Variants in PLEKHA1 observed in about 807,000 individuals in gnomAD.
The protein encoded by PLEKHA1 is pleckstrin homology domain containing A1.
In PLEKHA1, 34 loss-of-function variants were observed where a neutral mutation model predicts 52.0. That is an observed-to-expected ratio of 0.65 (90% confidence interval 0.50 to 0.87). PLEKHA1 has a LOEUF of 0.87. PLEKHA1 is among the 40% of genes least tolerant of loss of function. PLEKHA1 has a pLI of 0.00. For synonymous variants in PLEKHA1, 163 were observed against 170.7 expected, an observed-to-expected ratio of 0.95 and a Z score of 0.35; for missense variants, 497 against 504.2, an observed-to-expected ratio of 0.99 and a Z score of 0.14.
chr10:122,392,144 T>C, intron 1 of PLEKHA1, among the ~76,000 whole-genome samples: 1 of 152,206 alleles, frequency 6.6e-6, no homozygotes, highest in Middle Eastern at 3.2e-3. Context: ...CTAATGGTTT[T>C]TTAACTTTAA....
At chr10:122,426,834 T>G in intron 10 of PLEKHA1, 108 bp from the exon 11 acceptor site, 1 of 1,002,998 alleles carries the variant, frequency 1.0e-6, no homozygotes, top group Non-Finnish European at 1.4e-6. Context: ...TGCCTTAGAG[T>G]GATTTTGTTG....
chr10:122,418,891 C>G (rs940381392), intron 8 of PLEKHA1: 2 of 152,186 alleles, frequency 1.3e-5, no homozygotes, highest in African/African-American at 4.8e-5. Flanking sequence ...TCCATTAGAA[C>G]TTTCTGCACA....
intron 1 of PLEKHA1, chr10:122,375,081 T>G (rs996133083): frequency 1.3e-5 from 2 of 151,542 alleles, no homozygotes; most frequent in African/African-American, 4.9e-5. Flanking sequence ...GGCGTCTTCT[T>G]CCCGTGGGTC....
Position 122,424,185 on chromosome 10 carries a change from T to TTC in PLEKHA1, c.682-13_682-12insCT. 6.7e-7 allele frequency: 1 copy of TTC among 1,500,578 alleles called. No individual in the cohort carries two copies. The highest frequency in any genetic ancestry group is 2.4e-5 in the East Asian group (1 of 41,406). 93.0% of individuals were successfully genotyped at this position (1,500,578 alleles called of 1,614,324 possible). ...ATCATGTAACTGTTTTTTTTTTTTT[T>TTC]TTTTTTTTGCCAGGAAAAGGAACCT... On this transcript the variant is annotated splice_polypyrimidine_tract_variant and intron_variant, in intron 8 of 11. Transcript: ENST00000368990.
chr10:122,396,834 T>A (rs943182368), intron 2 of PLEKHA1, among the ~76,000 whole-genome samples: 1 of 152,094 alleles, frequency 6.6e-6, no homozygotes, highest in Non-Finnish European at 1.5e-5. Flanking sequence ...ATTCTTGATT[T>A]GTTTTCCCCA....
At chr10:122,416,133 C>A in intron 7 of PLEKHA1, 131 bp downstream of exon 7, 1 of 1,046,856 alleles carries the variant, frequency 9.6e-7, no homozygotes, top group Non-Finnish European at 1.3e-6. Flanking sequence ...TGAGGAGAGT[C>A]AGGAGATAAA....
intron 10 of PLEKHA1, 90 bp downstream of exon 10, chr10:122,425,049 T>C (rs749137924): frequency 1.5e-4 from 178 of 1,199,988 alleles, no homozygotes; most frequent in Non-Finnish European, 1.7e-4. Flanking sequence ...CTTGTTGCAC[T>C]TGAGGTTAAA....
At position 122,431,744 on chromosome 10, in the gene PLEKHA1, T is replaced by A. The variant is rs1010435833; in HGVS notation, c.*1806T>A. On this transcript the variant is annotated 3_prime_UTR_variant, in exon 12 of 12. Transcript: ENST00000368990. ...TATTTTTTTAAAGTTACATTAAGAT[T>A]TTTTCTCTTTTGCAGCTACATTTGA... The A allele has an allele frequency of 3.3e-5, 5 of 152,632 alleles. No individual in the cohort carries two copies. The highest frequency in any genetic ancestry group is 5.9e-5 in the Non-Finnish European group (4 of 68,036). The allele number at this position is 152,632 out of a possible 1,614,324, so 9.5% of individuals were successfully genotyped here.
At chr10:122,380,553 C>G (rs2096600278) in intron 1 of PLEKHA1, among the ~76,000 whole-genome samples, 1 of 152,118 alleles carries the variant, frequency 6.6e-6, no homozygotes, top group Non-Finnish European at 1.5e-5. Context: ...TCTGGTGAGT[C>G]CAGCGGCCAA....
chr10:122,418,730 A>G (rs2097215402), intron 8 of PLEKHA1: 1 of 152,168 alleles, frequency 6.6e-6, no homozygotes, highest in Admixed American at 6.5e-5. Context: ...TATTTAAAAT[A>G]TTGTAGGGTG....
intron 8 of PLEKHA1, 103 bp from the exon 9 acceptor site, chr10:122,424,096 G>A: frequency 1.4e-6 from 2 of 1,391,778 alleles, no homozygotes; most frequent in East Asian, 2.5e-5. Flanking sequence ...CAGAAAAGAA[G>A]TGTGATTTTC....
chr10:122,417,976 G>A lies in PLEKHA1; in HGVS notation c.681+8G>A. Reference sequence around the variant, plus strand: ...TACTTCAAATCTGAACTGGTATGTTGTTACGTCATAAATGTTGCTATAAGA... The same window carrying A: ...TACTTCAAATCTGAACTGGTATGTTATTACGTCATAAATGTTGCTATAAGA... On this transcript the variant is annotated splice_region_variant and intron_variant, in intron 8 of 11. Coordinates refer to ENST00000368990, the MANE Select transcript of PLEKHA1 (RefSeq NM_001001974.4). The A allele has an allele frequency of 6.3e-7, 1 of 1,596,734 alleles. No homozygotes were observed. Among genetic ancestry groups the A allele is most frequent in the Non-Finnish European group, 8.6e-7 (1 of 1,164,812 alleles).
intron 1 of PLEKHA1, among the ~76,000 whole-genome samples, chr10:122,388,907 T>G (rs879726385): frequency 1.3e-5 from 2 of 149,092 alleles, no homozygotes; most frequent in Non-Finnish European, 3.0e-5. Context: ...TTATAGTAAT[T>G]TAGTCACATT....
intron 4 of PLEKHA1, 50 bp from the exon 5 acceptor site, chr10:122,406,526 T>G: frequency 6.9e-7 from 1 of 1,441,724 alleles, no homozygotes; most frequent in Non-Finnish European, 9.7e-7. Flanking sequence ...AAACATAAAT[T>G]TAGAGGTAAT....
At chr10:122,427,849 A>C (rs1590961484) in intron 11 of PLEKHA1, among the ~76,000 whole-genome samples, 1 of 152,232 alleles carries the variant, frequency 6.6e-6, no homozygotes, top group Non-Finnish European at 1.5e-5. Context: ...TAGATTTACT[A>C]TGACATATAT....
chr10:122,422,968 G>A (rs866454126), intron 8 of PLEKHA1: 83 of 152,136 alleles, frequency 5.5e-4, no homozygotes, highest in African/African-American at 1.8e-3. Flanking sequence ...TAATGATAAA[G>A]CAAATGTAAA....
At chr10:122,442,017 C>T in the PLEKHA1 span, 2 of 152,190 alleles carry the variant, frequency 1.3e-5, no homozygotes, top group Non-Finnish European at 2.9e-5. Context: ...GGTGGTCTTC[C>T]ATATTCACCC....
chr10:122,417,868 A>T (rs780793292), intron 7 of PLEKHA1, 32 bp from the exon 8 acceptor site: 2 of 1,544,670 alleles, frequency 1.3e-6, no homozygotes, highest in Non-Finnish European at 8.9e-7. Context: ...TCTTAGAAAC[A>T]CAAGTCTTAT....
At chr10:122,408,637 GAC>G (rs1413070658) in intron 5 of PLEKHA1, among the ~76,000 whole-genome samples, 46 of 152,166 alleles carry the variant, frequency 3.0e-4, no homozygotes, top group African/African-American at 8.9e-4. Flanking sequence ...ACTTTTGATA[GAC>G]ACACATTTAA....
Sources: gnomAD v4.1 joint callset for allele counts (sites outside exome capture counted in the v4.1 genomes callset) on GRCh38, gnomAD v4.1.1 for gene constraint, MANE v1.5 for transcripts, NCBI Gene and HGNC (gene_info 2026-07-23, HGNC 2026-07-21) for gene names.